The following KRIT1 variants were observed in gnomAD, a reference collection of about 807,000 sequenced individuals.
KRIT1 encodes the protein KRIT1 ankyrin repeat containing, also known as krev interaction trapped protein 1.
In KRIT1, 45 loss-of-function variants were observed where a neutral mutation model predicts 95.8. The ratio of observed to expected loss-of-function variants is 0.47; its 90% CI spans 0.37 to 0.60. KRIT1 has a LOEUF of 0.60. Among genes scored for constraint, KRIT1 ranks in the 20% least tolerant of loss-of-function variants. The probability of loss-of-function intolerance (pLI) is 0.00; values close to 1 mark genes in which losing one functional copy is unlikely to be tolerated. For missense variants in KRIT1, 788 were observed against 877.5 expected, an observed-to-expected ratio of 0.90 and a Z score of 1.29; for synonymous variants, 282 against 278.8, an observed-to-expected ratio of 1.01 and a Z score of -0.11.
intron 17 of KRIT1, among the ~76,000 whole-genome samples, chr7:92,205,032 T>C (rs56732181): frequency 0.034 from 5,251 of 152,258 alleles, 267 homozygotes; most frequent in African/African-American, 0.12. Flanking sequence ...TCAGGAGTTA[T>C]GTGATTATAA....
At chr7:92,231,578 T>C (rs1179155225) in intron 10 of KRIT1, among the ~76,000 whole-genome samples, 1 of 152,206 alleles carries the variant, frequency 6.6e-6, no homozygotes, top group Admixed American at 6.5e-5. Context: ...GACTAAACCC[T>C]AGTCTCTTCA....
chr7:92,213,456 C>T, intron 16 of KRIT1, 55 bp from the exon 17 acceptor site: 1 of 1,168,046 alleles, frequency 8.6e-7, no homozygotes, highest in African/African-American at 1.5e-5. Context: ...GAAAATGTAC[C>T]ATTGATAATC....
rs527417614 is a variant in KRIT1 at position 92,204,783 on chromosome 7, C to T, written c.2026-3360G>A. ...CTTTGCTTGCTGCTCATCTGCTGTG[C>T]GGCCCGGTTCCTTACAGGCCATGGA... On this transcript the variant is annotated intron_variant, in intron 17 of 18. Transcript: ENST00000394505. Among the ~76,000 whole-genome samples, 6 of 152,112 alleles carry T rather than the reference C, an allele frequency of 3.9e-5. No homozygotes were observed. The East Asian group carries it at 5.8e-4, about 15-fold the overall frequency.
chr7:92,240,339 A>T (rs1384646913), intron 5 of KRIT1, among the ~76,000 whole-genome samples: 2 of 152,180 alleles, frequency 1.3e-5, no homozygotes, highest in Admixed American at 1.3e-4. Context: ...GCAGGCATAG[A>T]GAGGTATGCT....
At chr7:92,200,898 G>C (rs1473597004) in intron 18 of KRIT1, 94 bp from the exon 19 acceptor site, 1 of 862,478 alleles carries the variant, frequency 1.2e-6, no homozygotes, top group Non-Finnish European at 1.9e-6. Flanking sequence ...CTATTTGAAA[G>C]GGAACTTTCT....
At chr7:92,205,069 G>A (rs771752566) in intron 17 of KRIT1, among the ~76,000 whole-genome samples, 2 of 152,136 alleles carry the variant, frequency 1.3e-5, no homozygotes, top group Admixed American at 6.5e-5. Flanking sequence ...ATAAAGGGGC[G>A]AGCACGGTGG....
intron 17 of KRIT1, among the ~76,000 whole-genome samples, chr7:92,211,459 G>A (rs188194684): frequency 6.6e-6 from 1 of 152,276 alleles, no homozygotes; most frequent in Non-Finnish European, 1.5e-5. Context: ...TACGTGAGAC[G>A]TTGATGTCAA....
chr7:92,241,159 T>C lies in KRIT1; in HGVS notation c.103-7A>G, dbSNP rs1405862907. Reference sequence around the variant, plus strand: ...GAACTTCATGCAACAAAATCTTAGATGAGAAAAACATTAAGAGAAAGCTTA... The same window carrying C: ...GAACTTCATGCAACAAAATCTTAGACGAGAAAAACATTAAGAGAAAGCTTA... On this transcript the variant is annotated splice_region_variant and splice_polypyrimidine_tract_variant and intron_variant, in intron 4 of 18. Transcript: ENST00000394505. The C allele has an allele frequency of 6.3e-7, 1 of 1,591,648 alleles. No individual in the cohort carries two copies. Among genetic ancestry groups the C allele is most frequent in the Non-Finnish European group, 8.6e-7 (1 of 1,160,956 alleles).
At chr7:92,214,883 T>G in intron 14 of KRIT1, 106 bp from the exon 15 acceptor site, 2 of 792,886 alleles carry the variant, frequency 2.5e-6, no homozygotes, top group South Asian at 3.1e-5. Context: ...ATAAATGAGC[T>G]GTTACTGTTT....
chr7:92,237,808 T>C, intron 5 of KRIT1, 49 bp from the exon 6 acceptor site: 1 of 922,796 alleles, frequency 1.1e-6, no homozygotes, highest in South Asian at 1.3e-5. Context: ...CACTTTTAAA[T>C]CTTATAAATT....
At chr7:92,200,854 T>A in intron 18 of KRIT1, 50 bp from the exon 19 acceptor site, 1 of 1,280,376 alleles carries the variant, frequency 7.8e-7, no homozygotes, top group Non-Finnish European at 1.1e-6. Flanking sequence ...TAAGAATCTT[T>A]AAAGGACATT....
At chr7:92,233,640 C>T (rs1376657194) in intron 10 of KRIT1, among the ~76,000 whole-genome samples, 1 of 151,892 alleles carries the variant, frequency 6.6e-6, no homozygotes. Context: ...CTCCTGACCT[C>T]GTGATCCACC....
intron 10 of KRIT1, among the ~76,000 whole-genome samples, chr7:92,228,054 C>T (rs1796562684): frequency 6.6e-6 from 1 of 152,090 alleles, no homozygotes; most frequent in South Asian, 2.1e-4. Context: ...AGGGTTTGGC[C>T]ATGTTGCCCA....
chr7:92,242,801 C>T (rs909640757), intron 3 of KRIT1, among the ~76,000 whole-genome samples: 5 of 152,102 alleles, frequency 3.3e-5, no homozygotes, highest in African/African-American at 1.2e-4. Flanking sequence ...TATCAATTTC[C>T]TTGATAATCC....
chr7:92,221,440 A>G (rs1477854181), intron 14 of KRIT1, among the ~76,000 whole-genome samples: 1 of 152,208 alleles, frequency 6.6e-6, no homozygotes, highest in Non-Finnish European at 1.5e-5. Context: ...TCTCAAAAAA[A>G]AAAAGATGAG....
chr7:92,210,763 C>G (rs981041718), intron 17 of KRIT1, among the ~76,000 whole-genome samples: 6 of 152,090 alleles, frequency 3.9e-5, no homozygotes, highest in African/African-American at 1.4e-4. Context: ...GAATGGGAGA[C>G]AGTATTTTCA....
At chr7:92,214,248 C>T (rs995845457) in intron 15 of KRIT1, among the ~76,000 whole-genome samples, 2 of 152,060 alleles carry the variant, frequency 1.3e-5, no homozygotes, top group African/African-American at 2.4e-5. Context: ...CTTAAAACCT[C>T]AGTGTTTTCT....
intron 14 of KRIT1, among the ~76,000 whole-genome samples, chr7:92,221,656 C>T (rs1795179182): frequency 6.6e-6 from 1 of 152,184 alleles, no homozygotes; most frequent in South Asian, 2.1e-4. Flanking sequence ...TTTGGCTCCA[C>T]ATCTGATTGC....
intron 17 of KRIT1, chr7:92,206,912 C>T (rs192743955): frequency 6.8e-6 from 1 of 146,984 alleles, no homozygotes; most frequent in Non-Finnish European, 1.5e-5. Flanking sequence ...AATTTGTAAA[C>T]CCGAAGGTAT....
Sources: gnomAD v4.1 joint callset for allele counts (sites outside exome capture counted in the v4.1 genomes callset) on GRCh38, gnomAD v4.1.1 for gene constraint, MANE v1.5 for transcripts, NCBI Gene and HGNC (gene_info 2026-07-23, HGNC 2026-07-21) for gene names.